PDE1C: variants seen among roughly 807,000 people sequenced by gnomAD.
PDE1C encodes the protein dual specificity calcium/calmodulin-dependent 3',5'-cyclic nucleotide phosphodiesterase 1C.
Under a neutral mutation model 93.1 loss-of-function variants are expected in PDE1C, and 62 were observed. The ratio of observed to expected loss-of-function variants is 0.67; its 90% CI spans 0.54 to 0.82. PDE1C has a LOEUF of 0.82. PDE1C is among the 40% of genes least tolerant of loss of function. The probability of loss-of-function intolerance (pLI) is 0.00; values close to 1 mark genes in which losing one functional copy is unlikely to be tolerated. For missense variants in PDE1C, 742 were observed against 884.6 expected (o/e 0.84, Z 2.04); for synonymous variants, 325 against 310.1 (o/e 1.05, Z -0.50).
At chr7:32,346,107 G>A (rs1023283577) in intron 1 of PDE1C, among the ~76,000 whole-genome samples, 2 of 152,174 alleles carry the variant, frequency 1.3e-5, no homozygotes, top group African/African-American at 4.8e-5. Flanking sequence ...ATAAGCAAAC[G>A]ATATGTCATA....
intron 2 of PDE1C, among the ~76,000 whole-genome samples, chr7:31,967,500 G>C (rs1261322037): frequency 2.0e-5 from 3 of 152,186 alleles, no homozygotes; most frequent in African/African-American, 7.2e-5. Context: ...TCCACGACCA[G>C]ATGGATTCAC....
intron 3 of PDE1C, among the ~76,000 whole-genome samples, chr7:32,086,403 A>C (rs1457897326): frequency 6.6e-6 from 1 of 152,172 alleles, no homozygotes; most frequent in African/African-American, 2.4e-5. Context: ...TAGGAAGAAT[A>C]AATATCGTGA....
chr7:32,220,757 G>A (rs1806794075), intron 1 of PDE1C, among the ~76,000 whole-genome samples: 1 of 152,210 alleles, frequency 6.6e-6, no homozygotes, highest in Admixed American at 6.5e-5. Context: ...GGTGGAGCTT[G>A]CAGTGAGCCG....
intron 1 of PDE1C, among the ~76,000 whole-genome samples, chr7:32,058,093 G>A (rs1584639152): frequency 6.6e-6 from 1 of 152,234 alleles, no homozygotes; most frequent in South Asian, 2.1e-4. Context: ...CTCCCAGTTG[G>A]GCACAAGATT....
intron 1 of PDE1C, among the ~76,000 whole-genome samples, chr7:32,241,536 C>T (rs114639326): frequency 0.044 from 6,666 of 152,054 alleles, 530 homozygotes; most frequent in African/African-American, 0.15. Context: ...AGAGAGAAAA[C>T]TGAGTCTCCA....
upstream of PDE1C, among the ~76,000 whole-genome samples, chr7:32,303,946 A>G (rs1328268676): frequency 2.0e-5 from 3 of 152,206 alleles, no homozygotes; most frequent in African/African-American, 4.8e-5. Context: ...GAGTTTGGGG[A>G]GAATTTTATC....
intron 17 of PDE1C, among the ~76,000 whole-genome samples, chr7:31,755,593 A>G (rs1046197925): frequency 1.3e-5 from 2 of 152,192 alleles, no homozygotes; most frequent in African/African-American, 4.8e-5. Flanking sequence ...AAACAAAACA[A>G]AACAAAAAAC....
intron 1 of PDE1C, among the ~76,000 whole-genome samples, chr7:32,310,671 G>A (rs1463276403): frequency 6.6e-6 from 1 of 152,064 alleles, no homozygotes; most frequent in Non-Finnish European, 1.5e-5. Context: ...ATAATGAAAT[G>A]AAGGCAGAAA....
intron 15 of PDE1C, among the ~76,000 whole-genome samples, chr7:31,815,053 C>T (rs1261837871): frequency 2.6e-5 from 4 of 152,022 alleles, no homozygotes; most frequent in Non-Finnish European, 5.9e-5. Flanking sequence ...GTATCTTTAG[C>T]CCATCTGACC....
the PDE1C span, among the ~76,000 whole-genome samples, chr7:31,733,616 A>G: frequency 2.0e-5 from 3 of 152,232 alleles, no homozygotes. Context: ...CCTGGAATGC[A>G]GTGACACTAC....
intron 16 of PDE1C, among the ~76,000 whole-genome samples, chr7:31,807,416 A>T (rs1440269958): frequency 1.3e-5 from 2 of 151,474 alleles, no homozygotes; most frequent in Non-Finnish European, 2.9e-5. Flanking sequence ...TCCCCCCAAA[A>T]AAACCTGTTT....
chr7:31,893,457 G>A lies in PDE1C; in HGVS notation c.129-12597C>T, dbSNP rs371822284. On this transcript the variant is annotated intron_variant, in intron 2 of 17. Coordinates refer to ENST00000396191, the MANE Select transcript of PDE1C (RefSeq NM_001191057.4). ...TGCTATATTTAATAGAAAAAGAAAA[G>A]AAGAATTGGGAAGACTTACTTATGC... 1.5e-4 allele frequency: 147 copies of A among 982,530 alleles called. 1 individual carries two copies. The African/African-American group carries it at 2.4e-3, about 16-fold the overall frequency. The allele number at this position is 982,530 out of a possible 1,614,324, so 60.9% of individuals were successfully genotyped here.
intron 16 of PDE1C, among the ~76,000 whole-genome samples, chr7:31,790,654 A>T (rs779034364): frequency 2.6e-5 from 4 of 152,090 alleles, no homozygotes; most frequent in Non-Finnish European, 5.9e-5. Flanking sequence ...CTGTTTTCAT[A>T]TCAAAAGCAA....
At chr7:32,065,055 G>T (rs1269961164) in intron 1 of PDE1C, among the ~76,000 whole-genome samples, 11 of 33,452 alleles carry the variant, frequency 3.3e-4, no homozygotes, top group Admixed American at 1.8e-3. Flanking sequence ...CGGCGGTGGG[G>T]GGGGGGGGGA....
rs575618851 is a variant in PDE1C, at chr7:31,768,439, A to T, written c.1960+7225T>A. Among the ~76,000 whole-genome samples, 50 of 152,318 alleles carry T rather than the reference A, an allele frequency of 3.3e-4. No homozygotes were observed. In the South Asian group the frequency reaches 9.5e-3, roughly 29 times the overall value. On this transcript the variant is annotated intron_variant, in intron 17 of 17. Coordinates refer to ENST00000396191, the MANE Select transcript of PDE1C (RefSeq NM_001191057.4). Reference sequence around the variant, plus strand: ...GGTCTGTGGGACGGACCGCTGCAACATTGGGGATTGGATTTTAACATATGA... The same window carrying T: ...GGTCTGTGGGACGGACCGCTGCAACTTTGGGGATTGGATTTTAACATATGA...
the PDE1C span, among the ~76,000 whole-genome samples, chr7:31,651,527 A>G: frequency 1.3e-5 from 2 of 152,116 alleles, no homozygotes; most frequent in African/African-American, 2.4e-5. Context: ...TCTTTAATCA[A>G]TGGGATGGGG....
chr7:32,164,881 T>C (rs1420117404), intron 3 of PDE1C, among the ~76,000 whole-genome samples: 2 of 152,202 alleles, frequency 1.3e-5, no homozygotes, highest in Non-Finnish European at 2.9e-5. Context: ...TGGACTTGTC[T>C]GTCTTCCTTA....
chr7:31,790,240 T>C (rs1645600349), intron 16 of PDE1C: 29 of 1,612,542 alleles, frequency 1.8e-5, no homozygotes, highest in Non-Finnish European at 2.3e-5. Context: ...GTCTATGAGG[T>C]CTTTTTTACT....
chr7:31,654,688 G>A, the PDE1C span, among the ~76,000 whole-genome samples: 1 of 152,130 alleles, frequency 6.6e-6, no homozygotes, highest in Non-Finnish European at 1.5e-5. Context: ...CAGAGGCACT[G>A]GGTCTCTAAG....
Sources: allele counts gnomAD v4.1 joint callset (sites outside exome capture counted in the v4.1 genomes callset), GRCh38; gene constraint gnomAD v4.1.1; transcripts MANE v1.5; gene names NCBI Gene and HGNC (gene_info 2026-07-23, HGNC 2026-07-21).